RPP40: variants seen among roughly 807,000 people sequenced by gnomAD.
The protein encoded by RPP40 is ribonuclease P protein subunit p40.
In RPP40, 30 loss-of-function variants were observed where a neutral mutation model predicts 42.5. That is an observed-to-expected ratio of 0.71 (90% confidence interval 0.53 to 0.96). The LOEUF (loss-of-function observed/expected upper bound fraction) is 0.96, where lower values mean the gene tolerates loss of function less well. RPP40 is among the 40% of genes least tolerant of loss of function. RPP40 has a pLI of 0.00. For synonymous variants in RPP40, 173 were observed against 164.0 expected (o/e 1.05, Z -0.42); for missense variants, 426 against 433.5 (o/e 0.98, Z 0.15).
rs1759321266 is a variant in RPP40, at chr6:4,994,876, A to G, written c.*202T>C. The G allele has an allele frequency of 1.7e-6, 1 of 577,792 alleles. No homozygotes were observed. The highest frequency in any genetic ancestry group is 3.0e-5 in the Admixed American group (1 of 32,848). The allele number at this position is 577,792 out of a possible 1,614,324, so 35.8% of individuals were successfully genotyped here. A position where few individuals can be genotyped will look rare whatever the true frequency, so the allele number is the denominator to read the frequency against. On this transcript the variant is annotated 3_prime_UTR_variant, in exon 8 of 8. Coordinates refer to ENST00000380051, the MANE Select transcript of RPP40 (RefSeq NM_006638.4). ...ACCCTGTGCTTATGTTGACAGAGAG[A>G]AATCAACTATGAGCTATTCACTGGA...
rs1273730888 is a variant in RPP40, at chr6:4,996,100, AT to A, written c.759-16del. The A allele has an allele frequency of 6.2e-6, 10 of 1,613,574 alleles. No individual in the cohort carries two copies. Among genetic ancestry groups the A allele is most frequent in the Non-Finnish European group, 8.5e-6 (10 of 1,179,688 alleles). ...GCTCATTATTTCTGTCACCAAAAAA[AT>A]AAAAGAGAGAGAGATAACACATGTA... On this transcript the variant is annotated splice_polypyrimidine_tract_variant and intron_variant, in intron 6 of 7. Coordinates refer to ENST00000380051, the MANE Select transcript of RPP40 (RefSeq NM_006638.4).
downstream of RPP40, among the ~76,000 whole-genome samples, chr6:4,993,217 G>A (rs1244972871): frequency 6.6e-6 from 1 of 152,278 alleles, no homozygotes; most frequent in East Asian, 1.9e-4. Context: ...AGACCTGTGG[G>A]TGACAGTCTT....
In RPP40 at chr6:4,994,930, G is replaced by T; in HGVS notation, c.*148C>A. ...CAGGCCTTGCTGCCATCACAGATGG[G>T]TCTCAGGTGCAGGGCAGGATGCCAG... On this transcript the variant is annotated 3_prime_UTR_variant, in exon 8 of 8. Coordinates refer to ENST00000380051, the MANE Select transcript of RPP40 (RefSeq NM_006638.4). 1.5e-6 allele frequency: 1 copy of T among 669,944 alleles called. No homozygotes were observed. The highest frequency in any genetic ancestry group is 2.5e-6 in the Non-Finnish European group (1 of 398,642). The allele number at this position is 669,944 out of a possible 1,614,324, so 41.5% of individuals were successfully genotyped here.
In RPP40 at chr6:5,002,197, T is replaced by G. The variant is rs1327880703; in HGVS notation, c.172A>C (p.Asn58His). 2.5e-6 allele frequency: 4 copies of G among 1,613,520 alleles called. No homozygotes were observed. In the East Asian group the frequency reaches 6.7e-5, roughly 27 times the overall value. Reference sequence around the variant, plus strand: ...TAGGGTCCAGTGTTCATGACCAGGTTTTTCAGTTCTTCCGATAGTATCCCA... The same window carrying G: ...TAGGGTCCAGTGTTCATGACCAGGTGTTTCAGTTCTTCCGATAGTATCCCA... ...ECGILSEELK[N>H]LVMNTGPYYF... Residue 58 changes from asparagine to histidine, a missense_variant, in exon 2 of 8, where the codon AAC becomes CAC. Coordinates refer to ENST00000380051, the MANE Select transcript of RPP40 (RefSeq NM_006638.4).
intron 2 of RPP40, 142 bp downstream of exon 2, chr6:5,001,959 G>C: frequency 1.5e-6 from 1 of 671,262 alleles, no homozygotes; most frequent in Non-Finnish European, 2.5e-6. Flanking sequence ...ATGAGAATGC[G>C]GGGGAGAACG....
At position 4,994,927 on chromosome 6, in the gene RPP40, T is replaced by G; in HGVS notation, c.*151A>C. The G allele has an allele frequency of 1.5e-6, 1 of 653,432 alleles. No homozygotes were observed. The highest frequency in any genetic ancestry group is 2.0e-5 in the South Asian group (1 of 50,322). The allele number at this position is 653,432 out of a possible 1,614,324, so 40.5% of individuals were successfully genotyped here. A position where few individuals can be genotyped will look rare whatever the true frequency, so the allele number is the denominator to read the frequency against. ...CAGCAGGCCTTGCTGCCATCACAGA[T>G]GGGTCTCAGGTGCAGGGCAGGATGC... On this transcript the variant is annotated 3_prime_UTR_variant, in exon 8 of 8. Coordinates refer to ENST00000380051, the MANE Select transcript of RPP40 (RefSeq NM_006638.4).
In RPP40 at chr6:5,004,029, GC is replaced by G. The variant is rs1489054509; in HGVS notation, c.-28del. On this transcript the variant is annotated 5_prime_UTR_variant, in exon 1 of 8. Transcript: ENST00000380051. ...CTCTCCTGGGTTCCTGGTCCTCCCG[GC>G]CTCCGCTGGCGGGGCACGCCCCGCC... 4.9e-5 allele frequency: 77 copies of G among 1,567,628 alleles called. No individual in the cohort carries two copies. The Admixed American group carries it at 1.1e-3, about 23-fold the overall frequency.
downstream of RPP40, among the ~76,000 whole-genome samples, chr6:4,992,564 C>T (rs758557006): frequency 2.6e-5 from 4 of 152,038 alleles, no homozygotes; most frequent in Non-Finnish European, 4.4e-5. Context: ...TATCTTTTTT[C>T]CATCCTTTAA....
chr6:4,996,309 C>T lies in RPP40; in HGVS notation c.671G>A (p.Ser224Asn), dbSNP rs62385118. Reference sequence around the variant, plus strand: ...CTCTGGCGTTCCCTCCAGCTCGCTGCTCTGCAGCACTGGGCACTGGAGATC... The same window carrying T: ...CTCTGGCGTTCCCTCCAGCTCGCTGTTCTGCAGCACTGGGCACTGGAGATC... Reference protein sequence around the residue: ...LRDLQCPVLQSSELEGTPEVS... With the variant: ...LRDLQCPVLQNSELEGTPEVS... Residue 224 changes from serine (S) to asparagine (N), a missense_variant, in exon 6 of 8, where the codon AGC becomes AAC. Coordinates refer to ENST00000380051, the MANE Select transcript of RPP40 (RefSeq NM_006638.4). The T allele has an allele frequency of 0.033, 52,850 of 1,614,152 alleles. 1,039 individuals carry two copies. The highest frequency in any genetic ancestry group is 0.073 in the African/African-American group (5,453 of 75,050).
chr6:4,994,144 A>G (rs961351746), downstream of RPP40, among the ~76,000 whole-genome samples: 1 of 150,572 alleles, frequency 6.6e-6, no homozygotes, highest in Non-Finnish European at 1.5e-5. Flanking sequence ...ATGGTTCTTC[A>G]GACAAAAAAC....
intron 5 of RPP40, among the ~76,000 whole-genome samples, chr6:4,997,541 G>A (rs1039191997): frequency 1.3e-5 from 2 of 152,194 alleles, no homozygotes; most frequent in Non-Finnish European, 2.9e-5. Context: ...TATTTGGACT[G>A]AGCCAGGCTA....
At chr6:4,999,454 A>G (rs1327993256) in intron 4 of RPP40, among the ~76,000 whole-genome samples, 2 of 151,950 alleles carry the variant, frequency 1.3e-5, no homozygotes, top group Non-Finnish European at 2.9e-5. Flanking sequence ...ATGCGCCACC[A>G]CGCCCAGCTA....
rs991378918 is a variant in RPP40 at position 5,003,608 on chromosome 6, G to C, written c.123+272C>G. 10 of 342,890 alleles carry C rather than the reference G, an allele frequency of 2.9e-5. No individual in the cohort carries two copies. In the East Asian group the frequency reaches 3.4e-4, roughly 12 times the overall value. The allele number at this position is 342,890 out of a possible 1,614,324, so 21.2% of individuals were successfully genotyped here. A position where few individuals can be genotyped will look rare whatever the true frequency, so the allele number is the denominator to read the frequency against. ...CACTCCCAGTTCGGCGGGTTGACAC[G>C]AGTGAGCAGCCAGAACGCCCCTGAC... On this transcript the variant is annotated intron_variant, in intron 1 of 7. Transcript: ENST00000380051.
chr6:4,994,379 T>C (rs1327580510), downstream of RPP40, among the ~76,000 whole-genome samples: 1 of 131,628 alleles, frequency 7.6e-6, no homozygotes, highest in East Asian at 2.9e-4. Flanking sequence ...ACATGTACCC[T>C]AAAACTTAAA....
In RPP40 at chr6:4,996,512, C is replaced by T. The variant is rs532473973; in HGVS notation, c.560-92G>A. 2.5e-4 allele frequency: 292 copies of T among 1,177,762 alleles called. 1 individual carries two copies. The highest frequency in any genetic ancestry group is 2.9e-4 in the Middle Eastern group (1 of 3,482). The allele number at this position is 1,177,762 out of a possible 1,614,324, so 73.0% of individuals were successfully genotyped here. On this transcript the variant is annotated intron_variant, in intron 5 of 7. Transcript: ENST00000380051. ...CTGAACCCACCCATTCCCATCTGAG[C>T]GGTAAGATTGAGTAAGATGGAAGCT...
At chr6:4,995,334 T>A in intron 7 of RPP40, 58 bp from the exon 8 acceptor site, 1 of 1,182,208 alleles carries the variant, frequency 8.5e-7, no homozygotes, top group Non-Finnish European at 1.2e-6. Flanking sequence ...ATGTCTGCAT[T>A]TTAAAAAATT....
intron 2 of RPP40, 137 bp downstream of exon 2, chr6:5,001,964 A>C (rs549874840): frequency 2.9e-6 from 2 of 690,334 alleles, no homozygotes; most frequent in Non-Finnish European, 4.8e-6. Context: ...AATGCGGGGG[A>C]GAACGCGTGT....
At chr6:5,003,259 A>C (rs1016353084) in intron 1 of RPP40, among the ~76,000 whole-genome samples, 1 of 141,170 alleles carries the variant, frequency 7.1e-6, no homozygotes, top group Admixed American at 7.7e-5. Context: ...AGGCAGGAGA[A>C]TGGCGTGAAC....
chr6:5,001,168 G>C (rs749898485), intron 2 of RPP40: 7 of 456,486 alleles, frequency 1.5e-5, no homozygotes, highest in Non-Finnish European at 3.1e-5. Flanking sequence ...AGAGTTCCAG[G>C]TTAAGATTCA....
Sources: gnomAD v4.1 joint callset for allele counts (sites outside exome capture counted in the v4.1 genomes callset) on GRCh38, gnomAD v4.1.1 for gene constraint, MANE v1.5 for transcripts, NCBI Gene and HGNC (gene_info 2026-07-23, HGNC 2026-07-21) for gene names.